ARHGAP32: variants seen among roughly 807,000 people sequenced by gnomAD.
ARHGAP32 encodes the protein Rho GTPase activating protein 32.
ARHGAP32 carries 51 observed loss-of-function variants against 186.5 expected under a neutral mutation model. That is an observed-to-expected ratio of 0.27 (90% CI 0.22 to 0.35). The LOEUF is 0.35. ARHGAP32 is among the 10% of genes least tolerant of loss of function. The pLI is 1.00. For missense variants in ARHGAP32, 2,186 were observed against 2,623.5 expected (o/e 0.83, Z 3.64); for synonymous variants, 950 against 964.3 (o/e 0.99, Z 0.27).
At chr11:129,035,173 C>CCTCTCTCT (rs71057921) in intron 11 of ARHGAP32, among the ~76,000 whole-genome samples, 25,349 of 148,402 alleles carry the variant, frequency 0.17, 2,158 homozygotes, top group Non-Finnish European at 0.19. Context: ...TGTTTCCTCT[C>CCTCTCTCT]CTCTCTCTCT....
intron 1 of ARHGAP32, among the ~76,000 whole-genome samples, chr11:129,228,288 A>G (rs1453318596): frequency 6.6e-6 from 1 of 152,204 alleles, no homozygotes; most frequent in African/African-American, 2.4e-5. Flanking sequence ...TTTCACATCA[A>G]TAACCTAAAA....
chr11:129,180,018 A>T (rs921948053), intron 1 of ARHGAP32, among the ~76,000 whole-genome samples: 1 of 152,012 alleles, frequency 6.6e-6, no homozygotes, highest in Non-Finnish European at 1.5e-5. Flanking sequence ...AATCTAAAAG[A>T]CTCTATAAGC....
At chr11:129,196,810 C>T (rs1008071949), upstream of ARHGAP32, among the ~76,000 whole-genome samples, 1 of 152,084 alleles carries the variant, frequency 6.6e-6, no homozygotes, top group African/African-American at 2.4e-5. Context: ...GTAATCCTAG[C>T]ACTTGAGAGG....
At chr11:129,179,567 G>C (rs1270148950) in intron 1 of ARHGAP32, among the ~76,000 whole-genome samples, 1 of 151,386 alleles carries the variant, frequency 6.6e-6, no homozygotes, top group Admixed American at 6.6e-5. Context: ...ATGATAGACT[G>C]GATTAAGAAA....
At chr11:129,147,487 G>A (rs1012225691) in intron 2 of ARHGAP32, among the ~76,000 whole-genome samples, 2 of 152,170 alleles carry the variant, frequency 1.3e-5, no homozygotes, top group African/African-American at 2.4e-5. Context: ...TCCCTGGAAT[G>A]CTGGCACCTC....
intron 11 of ARHGAP32, among the ~76,000 whole-genome samples, chr11:129,032,396 T>TA (rs1472721525): frequency 6.6e-6 from 1 of 152,258 alleles, no homozygotes; most frequent in South Asian, 2.1e-4. Context: ...ATTTCAATTA[T>TA]AAAAAAATTA....
rs556634487 is a variant in ARHGAP32 at position 129,101,815 on chromosome 11, A to C, written c.445-8108T>G. On this transcript the variant is annotated intron_variant, in intron 5 of 22. Transcript: ENST00000682385. ...TCATCCATGAGAACTTCCCCAACCT[A>C]ACTAGAGAAGCCAACATTCAAATTC... is the stretch of plus-strand genomic sequence containing the variant. Among the ~76,000 whole-genome samples, 3 of 152,344 alleles carry C rather than the reference A, an allele frequency of 2.0e-5. No individual in the cohort carries two copies. The South Asian group carries it at 6.2e-4, about 32-fold the overall frequency.
intron 2 of ARHGAP32, among the ~76,000 whole-genome samples, chr11:129,153,094 C>T (rs1943325201): frequency 6.6e-6 from 1 of 150,852 alleles, no homozygotes; most frequent in Non-Finnish European, 1.5e-5. Flanking sequence ...ACAACAACAG[C>T]AACGAAGCTG....
chr11:129,086,017 C>CAA (rs60940372), intron 6 of ARHGAP32, among the ~76,000 whole-genome samples: 16,486 of 127,686 alleles, frequency 0.13, 1,017 homozygotes, highest in Non-Finnish European at 0.15. Flanking sequence ...AACAAACAAA[C>CAA]AAAAAAAAAA....
intron 2 of ARHGAP32, among the ~76,000 whole-genome samples, chr11:129,157,421 A>G (rs1472058303): frequency 2.6e-5 from 4 of 152,036 alleles, no homozygotes; most frequent in Non-Finnish European, 5.9e-5. Flanking sequence ...GCACAAGAAC[A>G]TCGTGAAGCT....
At chr11:129,178,907 C>T (rs1943983883) in intron 1 of ARHGAP32, among the ~76,000 whole-genome samples, 2 of 152,150 alleles carry the variant, frequency 1.3e-5, no homozygotes, top group South Asian at 4.2e-4. Context: ...TCTAAAACAC[C>T]AAAAGCAATG....
chr11:129,158,778 C>T (rs542336889), intron 2 of ARHGAP32, among the ~76,000 whole-genome samples: 2 of 152,106 alleles, frequency 1.3e-5, no homozygotes, highest in Non-Finnish European at 2.9e-5. Context: ...AGCACCATAT[C>T]GCATGTATTC....
At chr11:129,188,662 GT>G (rs1457379934) in intron 1 of ARHGAP32, among the ~76,000 whole-genome samples, 3 of 151,984 alleles carry the variant, frequency 2.0e-5, no homozygotes, top group African/African-American at 7.3e-5. Flanking sequence ...AGTATCATTA[GT>G]TCTATAATGC....
intron 12 of ARHGAP32, among the ~76,000 whole-genome samples, chr11:128,992,178 T>C (rs1226820130): frequency 6.6e-6 from 1 of 152,158 alleles, no homozygotes; most frequent in Non-Finnish European, 1.5e-5. Context: ...ATTTAAAGTT[T>C]TGTGCATATC....
intron 2 of ARHGAP32, among the ~76,000 whole-genome samples, chr11:129,142,533 T>C (rs1057067407): frequency 4.6e-5 from 7 of 152,136 alleles, no homozygotes; most frequent in African/African-American, 1.4e-4. Flanking sequence ...AAATTTGTAC[T>C]GTCATGAAAG....
At chr11:129,192,350 C>G (rs112935301), upstream of ARHGAP32, among the ~76,000 whole-genome samples, 27 of 152,232 alleles carry the variant, frequency 1.8e-4, 2 homozygotes, top group African/African-American at 6.3e-4. Context: ...AGTCAGGGTA[C>G]AGACAGGAAA....
chr11:129,121,415 G>A (rs1157302203), intron 5 of ARHGAP32, among the ~76,000 whole-genome samples: 2 of 152,044 alleles, frequency 1.3e-5, no homozygotes, highest in Non-Finnish European at 2.9e-5. Flanking sequence ...TGGTAGATGT[G>A]ATATGTAGAG....
At position 128,968,743 on chromosome 11, in the gene ARHGAP32, A is replaced by G. The variant is rs1945273185; in HGVS notation, c.*164T>C. The G allele has an allele frequency of 1.9e-6, 1 of 524,000 alleles. No homozygotes were observed. The highest frequency in any genetic ancestry group is 3.0e-6 in the Non-Finnish European group (1 of 332,112). The allele number at this position is 524,000 out of a possible 1,614,324, so 32.5% of individuals were successfully genotyped here. ...CTATAGATGGAAGAGGGGGTAATGA[A>G]GCAGGGAAGGGGAAAAAGATGCTGA... On this transcript the variant is annotated 3_prime_UTR_variant, in exon 23 of 23. Transcript: ENST00000682385.
chr11:128,973,081 C>T lies in ARHGAP32; in HGVS notation c.3425G>A (p.Gly1142Glu). ...AGTTGTGTTGGAATGGGTAGGATCC[C>T]CAGTAGCTGTTGTCTCTGGTAGAGG... The part of the protein sequence containing the change: ...DHPLPETTAT[G>E]DPTHSNTTES... The change falls in exon 22 of 23, where the codon GGG becomes GAG. Residue 1142 changes from glycine to glutamate, a missense_variant. This residue lies in a region of ARHGAP32 where 1,502 missense variants were observed against 1,570.0 expected (regional missense o/e 0.96). Coordinates refer to ENST00000682385, the MANE Select transcript of ARHGAP32 (RefSeq NM_001378024.1). 1.2e-6 allele frequency: 2 copies of T among 1,614,070 alleles called. No individual in the cohort carries two copies. The highest frequency in any genetic ancestry group is 1.7e-6 in the Non-Finnish European group (2 of 1,180,016).
Sources: gnomAD v4.1 joint callset for allele counts (sites outside exome capture counted in the v4.1 genomes callset) on GRCh38, gnomAD v4.1.1 for gene constraint, gnomAD v4.1.1 regional missense constraint, MANE v1.5 for transcripts, NCBI Gene and HGNC (gene_info 2026-07-23, HGNC 2026-07-21) for gene names.